The following CCDC85A variants were observed in gnomAD, a reference collection of about 807,000 sequenced individuals.
The protein encoded by CCDC85A is coiled-coil domain-containing protein 85A.
Under a neutral mutation model 50.2 loss-of-function variants are expected in CCDC85A, and 38 were observed. The ratio of observed to expected loss-of-function variants is 0.76; its 90% confidence interval spans 0.58 to 0.99. The LOEUF (loss-of-function observed/expected upper bound fraction) is 0.99. Among genes scored for constraint, CCDC85A ranks in the 50% least tolerant of loss-of-function variants. CCDC85A has a pLI of 0.00. For synonymous variants in CCDC85A, 366 were observed against 301.4 expected (o/e 1.21, Z -2.22); for missense variants, 820 against 742.0 (o/e 1.11, Z -1.22).
At position 56,192,674 on chromosome 2, in the gene CCDC85A, G is replaced by A; in HGVS notation, c.474G>A (p.Val158=). The A allele has an allele frequency of 6.2e-7, 1 of 1,613,896 alleles. No individual in the cohort carries two copies. Residue 158 remains valine (V), a synonymous_variant, in exon 2 of 6, where the codon GTG becomes GTA. Coordinates refer to ENST00000407595, the MANE Select transcript of CCDC85A (RefSeq NM_001080433.2). The surrounding 1 kb of genome is among the most constrained non-coding windows in gnomAD (Gnocchi z 4.7). ...LKDLEVKQEE[V]VKENMELKEL... ...ACCTGGAGGTGAAGCAGGAGGAAGTGGTGAAGGAGAACATGGAGCTCAAGG... is the reference window on the plus strand; with the variant it reads ...ACCTGGAGGTGAAGCAGGAGGAAGTAGTGAAGGAGAACATGGAGCTCAAGG...
chr2:56,380,151 G>A (rs1676516949), intron 5 of CCDC85A, among the ~76,000 whole-genome samples: 2 of 151,990 alleles, frequency 1.3e-5, no homozygotes, highest in Admixed American at 1.3e-4. Flanking sequence ...AAATAAATGG[G>A]TTTCTATTTT....
intron 2 of CCDC85A, among the ~76,000 whole-genome samples, chr2:56,227,989 G>A (rs901166413): frequency 3.3e-5 from 5 of 152,184 alleles, no homozygotes; most frequent in Admixed American, 3.3e-4. Flanking sequence ...GATCAGTCCT[G>A]TTTCACAATC....
chr2:56,192,937 C>T lies in CCDC85A; in HGVS notation c.737C>T (p.Pro246Leu), dbSNP rs534872592. ...HLQKPRSEGS[P>L]EHSKHRSASP... ...CAGAAGCCCCGGAGCGAGGGCAGCC[C>T]GGAGCACTCCAAGCACAGGAGCGCC... Residue 246 changes from proline (P) to leucine (L), a missense_variant, in exon 2 of 6, where the codon CCG (proline) becomes CTG (leucine). Physicochemically the swap from Pro to Leu is moderately conservative, Grantham distance 98 (BLOSUM62 -3). Coordinates refer to ENST00000407595, the MANE Select transcript of CCDC85A (RefSeq NM_001080433.2). This position sits in a 1 kb window ranked among gnomAD's most constrained non-coding sequence, Gnocchi z 4.7. 9.9e-6 allele frequency: 16 copies of T among 1,612,870 alleles called. No individual in the cohort carries two copies. Among genetic ancestry groups the T allele is most frequent in the East Asian group, 4.5e-5 (2 of 44,764 alleles).
At chr2:56,327,801 C>T (rs1311593355) in intron 2 of CCDC85A, among the ~76,000 whole-genome samples, 1 of 113,386 alleles carries the variant, frequency 8.8e-6, no homozygotes, top group Non-Finnish European at 1.7e-5. Flanking sequence ...GAGAAATATT[C>T]AGTAATTACT....
chr2:56,187,695 G>A lies in CCDC85A; in HGVS notation c.276+2795G>A, dbSNP rs140515589. Among the ~76,000 whole-genome samples the A allele has an allele frequency of 7.2e-5, 11 of 152,202 alleles. No homozygotes were observed. In the East Asian group the frequency reaches 1.7e-3, roughly 24 times the overall value. On this transcript the variant is annotated intron_variant, in intron 1 of 5. Coordinates refer to ENST00000407595, the MANE Select transcript of CCDC85A (RefSeq NM_001080433.2). ...ACACAGACATAAAGTGTTCAAAATC[G>A]GCCTGCTTTCCTTTTCTTTTGGCTA...
intron 2 of CCDC85A, among the ~76,000 whole-genome samples, chr2:56,228,294 C>A (rs375383397): frequency 1.3e-5 from 2 of 150,952 alleles, no homozygotes; most frequent in East Asian, 3.9e-4. Context: ...CAAACCTGCA[C>A]GTTGTGCACG....
At chr2:56,334,347 A>G (rs747496901) in intron 2 of CCDC85A, among the ~76,000 whole-genome samples, 17 of 152,320 alleles carry the variant, frequency 1.1e-4, no homozygotes, top group Middle Eastern at 3.4e-3. Flanking sequence ...AAAGTAAATT[A>G]CCAAATATTC....
In CCDC85A at chr2:56,184,509, G is replaced by A; in HGVS notation, c.-116G>A. 8.5e-7 allele frequency: 1 copy of A among 1,170,374 alleles called. No individual in the cohort carries two copies. 72.5% of individuals were successfully genotyped at this position (1,170,374 alleles called of 1,614,324 possible). A position where few individuals can be genotyped will look rare whatever the true frequency, so the allele number is the denominator to read the frequency against. On this transcript the variant is annotated 5_prime_UTR_variant, in exon 1 of 6. Coordinates refer to ENST00000407595, the MANE Select transcript of CCDC85A (RefSeq NM_001080433.2). Reference sequence around the variant, plus strand: ...CCCAACCCAGCGGCCCCTGGGCGGTGCCGCTGACTCGCCGGAGCGCACAGG... The same window carrying A: ...CCCAACCCAGCGGCCCCTGGGCGGTACCGCTGACTCGCCGGAGCGCACAGG...
At chr2:56,293,643 A>G (rs1352779673) in intron 2 of CCDC85A, among the ~76,000 whole-genome samples, 1 of 152,250 alleles carries the variant, frequency 6.6e-6, no homozygotes, top group Non-Finnish European at 1.5e-5. Context: ...AAGTGGGCAC[A>G]GGACATGAAC....
intron 2 of CCDC85A, among the ~76,000 whole-genome samples, chr2:56,233,918 C>A (rs1668885732): frequency 6.6e-6 from 1 of 152,024 alleles, no homozygotes; most frequent in South Asian, 2.1e-4. Flanking sequence ...TAATTTCTGT[C>A]AGAAAGGGGA....
chr2:56,266,758 G>C (rs1279099305), intron 2 of CCDC85A, among the ~76,000 whole-genome samples: 1 of 152,008 alleles, frequency 6.6e-6, no homozygotes, highest in Non-Finnish European at 1.5e-5. Flanking sequence ...CTGTCCCTTT[G>C]CCTCCCTGTG....
intron 2 of CCDC85A, among the ~76,000 whole-genome samples, chr2:56,293,088 GC>G (rs1671790774): frequency 6.6e-6 from 1 of 152,144 alleles, no homozygotes. Context: ...CAGAGCTCAT[GC>G]CCCCTGGGTA....
intron 3 of CCDC85A, among the ~76,000 whole-genome samples, chr2:56,356,270 A>G (rs979623243): frequency 6.6e-6 from 1 of 152,360 alleles, no homozygotes; most frequent in Admixed American, 6.5e-5. Flanking sequence ...TTTCTCACAA[A>G]GAGTTTTAAG....
chr2:56,244,996 C>T (rs575513057), intron 2 of CCDC85A, among the ~76,000 whole-genome samples: 8 of 152,204 alleles, frequency 5.3e-5, no homozygotes, highest in East Asian at 1.9e-4. Flanking sequence ...CAGAAGGAAG[C>T]GGTCTCTTTT....
chr2:56,284,939 T>G (rs1671364777), intron 2 of CCDC85A, among the ~76,000 whole-genome samples: 1 of 152,176 alleles, frequency 6.6e-6, no homozygotes, highest in South Asian at 2.1e-4. Context: ...GCAGATTATT[T>G]GCATGGTATA....
chr2:56,248,090 G>A (rs1294316172), intron 2 of CCDC85A, among the ~76,000 whole-genome samples: 1 of 152,162 alleles, frequency 6.6e-6, no homozygotes, highest in African/African-American at 2.4e-5. Flanking sequence ...GGATATAAGT[G>A]ATATTACCCG....
In CCDC85A at chr2:56,292,418, A is replaced by G. The variant is rs6545563; in HGVS notation, c.1241-50461A>G. ...TATAATTTTCAACTTGATAAAGGAT[A>G]CACATTTTCTCCTATTTCCTTTTGG... On this transcript the variant is annotated intron_variant, in intron 2 of 5. Coordinates refer to ENST00000407595, the MANE Select transcript of CCDC85A (RefSeq NM_001080433.2). Among the ~76,000 whole-genome samples the G allele has an allele frequency of 8.6e-3, 1,303 of 152,278 alleles. 27 individuals are homozygous for G. Among genetic ancestry groups the G allele is most frequent in the African/African-American group, 0.029 (1,224 of 41,560 alleles).
chr2:56,375,190 T>C (rs1676273566), intron 4 of CCDC85A, among the ~76,000 whole-genome samples: 1 of 152,192 alleles, frequency 6.6e-6, no homozygotes, highest in Non-Finnish European at 1.5e-5. Flanking sequence ...AAATTAATCA[T>C]GTACAGGTTC....
At chr2:56,232,358 T>G (rs1196889077) in intron 2 of CCDC85A, among the ~76,000 whole-genome samples, 1 of 152,288 alleles carries the variant, frequency 6.6e-6, no homozygotes, top group Non-Finnish European at 1.5e-5. Flanking sequence ...ATCTCCTAGT[T>G]GCCTTTGATT....
Sources: gnomAD v4.1 joint callset for allele counts (sites outside exome capture counted in the v4.1 genomes callset) on GRCh38, gnomAD v4.1.1 for gene constraint, Gnocchi (gnomAD v3.1) non-coding constraint, MANE v1.5 for transcripts, NCBI Gene and HGNC (gene_info 2026-07-23, HGNC 2026-07-21) for gene names.